The following PPHLN1 variants were observed in gnomAD, a reference collection of about 807,000 sequenced individuals.
The protein encoded by PPHLN1 is periphilin 1.
A neutral mutation model predicts 51.3 loss-of-function variants in PPHLN1; 29 were observed. The observed-to-expected ratio is 0.57, with a 90% confidence interval of 0.42 to 0.77. The LOEUF is 0.77. PPHLN1 is among the 30% of genes least tolerant of loss of function. The probability of loss-of-function intolerance (pLI) is 0.00; values close to 1 mark genes in which losing one functional copy is unlikely to be tolerated. For synonymous variants in PPHLN1, 147 were observed against 147.8 expected (o/e 0.99, Z 0.04); for missense variants, 436 against 438.4 (o/e 0.99, Z 0.05).
intron 5 of PPHLN1, among the ~76,000 whole-genome samples, chr12:42,378,110 TTCTTTCTTTCTTTC>T (rs1449281915): frequency 1.5e-5 from 2 of 130,180 alleles, no homozygotes; most frequent in African/African-American, 5.9e-5. Flanking sequence ...CTTTCTTTCT[TTCTTTCTTTCTTTC>T]TTTCTTTCTT....
intron 9 of PPHLN1, among the ~76,000 whole-genome samples, chr12:42,405,015 A>C (rs932818681): frequency 2.6e-5 from 4 of 152,228 alleles, no homozygotes; most frequent in Non-Finnish European, 5.9e-5. Flanking sequence ...TGACAGAGTG[A>C]GACTCCGTCT....
At chr12:42,434,295 G>A in intron 9 of PPHLN1, among the ~76,000 whole-genome samples, 1 of 152,202 alleles carries the variant, frequency 6.6e-6, no homozygotes, top group East Asian at 1.9e-4. Flanking sequence ...GCTGGGGAAT[G>A]AGGGAGGGAG....
rs548195005 is a variant in PPHLN1 at position 42,335,973 on chromosome 12, G to C, written c.71G>C (p.Ser24Thr). Residue 24 changes from serine (S) to threonine (T), a missense_variant and splice_region_variant, in exon 2 of 10, where the codon AGT becomes ACT. Coordinates refer to ENST00000358314, the MANE Select transcript of PPHLN1 (RefSeq NM_201439.2). Reference sequence around the variant, plus strand: ...CGAGCACCTCCTCGAAGTCATCCCAGTGTAAGTTACTCCTACATATTGAAT... The same window carrying C: ...CGAGCACCTCCTCGAAGTCATCCCACTGTAAGTTACTCCTACATATTGAAT... Reference protein sequence around the residue: ...RERAPPRSHPSDGYNRLVNIV... With the variant: ...RERAPPRSHPTDGYNRLVNIV... 2.6e-6 allele frequency: 4 copies of C among 1,566,754 alleles called. No individual in the cohort carries two copies. In the East Asian group the frequency reaches 9.3e-5, roughly 37 times the overall value.
At chr12:42,355,264 A>G in intron 4 of PPHLN1, 42 bp downstream of exon 4, 1 of 1,519,402 alleles carries the variant, frequency 6.6e-7, no homozygotes, top group Non-Finnish European at 9.1e-7. Flanking sequence ...TTGATACTTG[A>G]CTCACTGTGA....
rs534132932 is a variant in PPHLN1, at chr12:42,383,683, G to T, written c.512-1257G>T. On this transcript the variant is annotated intron_variant, in intron 5 of 9. Transcript: ENST00000358314. ...CATGAGGCTCTGAGCAATTGCTGTA[G>T]GTGAACTAAGGGTTTGGCTGGTCGT... 2.0e-5 allele frequency among the ~76,000 whole-genome samples: 3 copies of T among 152,148 alleles called. No homozygotes were observed. The East Asian group carries it at 5.8e-4, about 29-fold the overall frequency.
intron 1 of PPHLN1, among the ~76,000 whole-genome samples, chr12:42,330,457 G>A (rs2069539709): frequency 6.6e-6 from 1 of 152,186 alleles, no homozygotes; most frequent in African/African-American, 2.4e-5. Context: ...CGGCTTTCCT[G>A]GGTAGAGGTC....
At chr12:42,326,341 A>C (rs2068765797) in intron 1 of PPHLN1, 112 bp downstream of exon 1, 1 of 152,288 alleles carries the variant, frequency 6.6e-6, no homozygotes, top group Non-Finnish European at 1.5e-5. Flanking sequence ...CCTGCCTTTG[A>C]ATTGTGTGAC....
chr12:42,349,402 TG>T (rs1158007973), intron 2 of PPHLN1, among the ~76,000 whole-genome samples: 2 of 145,276 alleles, frequency 1.4e-5, no homozygotes, highest in South Asian at 2.2e-4. Context: ...AGTTTTGTTT[TG>T]TTTTTTAAAT....
chr12:42,415,317 G>T lies in PPHLN1; in HGVS notation c.909+16323G>T, dbSNP rs370058257. On this transcript the variant is annotated intron_variant, in intron 9 of 9. Transcript: ENST00000358314. ...CTCCCGAGTAGCTGGGATTACAGGC[G>T]CATGCCACCACACCCAGCTAATTTG... Among the ~76,000 whole-genome samples the T allele has an allele frequency of 5.3e-5, 8 of 152,152 alleles. No individual in the cohort carries two copies. The East Asian group carries it at 1.4e-3, about 26-fold the overall frequency.
At chr12:42,443,718 A>C (rs2083134830), downstream of PPHLN1, 2 of 152,252 alleles carry the variant, frequency 1.3e-5, no homozygotes, top group Admixed American at 1.3e-4. Flanking sequence ...AGACTTTTGC[A>C]TGGCTTACAA....
intron 2 of PPHLN1, among the ~76,000 whole-genome samples, chr12:42,338,529 A>T (rs1011411010): frequency 1.2e-4 from 18 of 152,278 alleles, no homozygotes; most frequent in African/African-American, 4.3e-4. Flanking sequence ...GGGACAGGAA[A>T]GGCTTAGGAA....
intron 7 of PPHLN1, among the ~76,000 whole-genome samples, chr12:42,389,062 C>T (rs1592645031): frequency 6.6e-6 from 1 of 152,144 alleles, no homozygotes; most frequent in East Asian, 1.9e-4. Flanking sequence ...CACAGTGAAG[C>T]CGTGTCTCTA....
At chr12:42,418,920 A>G (rs1160941258) in intron 9 of PPHLN1, among the ~76,000 whole-genome samples, 1 of 152,174 alleles carries the variant, frequency 6.6e-6, no homozygotes, top group Non-Finnish European at 1.5e-5. Flanking sequence ...AATGCTTTCT[A>G]AGTATTAAGT....
chr12:42,351,839 A>G, intron 2 of PPHLN1, 46 bp from the exon 3 acceptor site: 2 of 1,490,636 alleles, frequency 1.3e-6, no homozygotes, highest in Non-Finnish European at 1.8e-6. Context: ...CCAAAACCAA[A>G]TAGAGAAATT....
intron 1 of PPHLN1, among the ~76,000 whole-genome samples, chr12:42,332,079 C>G (rs1053212875): frequency 6.6e-6 from 1 of 152,062 alleles, no homozygotes; most frequent in Non-Finnish European, 1.5e-5. Context: ...GGTGGTATGC[C>G]TGTGGTTCCA....
At chr12:42,385,144 TG>T (rs1565898233) in intron 6 of PPHLN1, 148 bp downstream of exon 6, 1 of 835,314 alleles carries the variant, frequency 1.2e-6, no homozygotes, top group Non-Finnish European at 1.8e-6. Context: ...TACTAGGATT[TG>T]GGGGGCATTT....
At chr12:42,373,238 T>C (rs1220263576) in intron 4 of PPHLN1, among the ~76,000 whole-genome samples, 1 of 152,242 alleles carries the variant, frequency 6.6e-6, no homozygotes, top group Admixed American at 6.5e-5. Flanking sequence ...AATACCCATA[T>C]CACCACTCTG....
downstream of PPHLN1, chr12:42,442,845 A>G: frequency 1.3e-6 from 2 of 1,534,740 alleles, no homozygotes; most frequent in Non-Finnish European, 1.8e-6. Context: ...ACAGTATATA[A>G]AAGTATTGAA....
chr12:42,372,260 G>T (rs1365620221), intron 4 of PPHLN1, among the ~76,000 whole-genome samples: 1 of 152,194 alleles, frequency 6.6e-6, no homozygotes, highest in African/African-American at 2.4e-5. Context: ...TTGATGTGAA[G>T]GGGAGAAGAG....
Sources: gnomAD v4.1 joint callset for allele counts (sites outside exome capture counted in the v4.1 genomes callset) on GRCh38, gnomAD v4.1.1 for gene constraint, MANE v1.5 for transcripts, NCBI Gene and HGNC (gene_info 2026-07-23, HGNC 2026-07-21) for gene names.